NHEJ1: variants seen among roughly 807,000 people sequenced by gnomAD.
NHEJ1 encodes non-homologous end-joining factor 1.
A neutral mutation model predicts 39.4 loss-of-function variants in NHEJ1; 22 were observed. The observed-to-expected ratio is 0.56, with a 90% CI of 0.40 to 0.80. The LOEUF is 0.80. NHEJ1 is among the 30% of genes least tolerant of loss of function. The probability of loss-of-function intolerance (pLI) is 0.00; values close to 1 mark genes in which losing one functional copy is unlikely to be tolerated. For synonymous variants in NHEJ1, 154 were observed against 135.6 expected, an observed-to-expected ratio of 1.14 and a Z score of -0.94; for missense variants, 329 against 357.1, an observed-to-expected ratio of 0.92 and a Z score of 0.63.
At chr2:219,096,560 G>A (rs1416524200) in intron 5 of NHEJ1, among the ~76,000 whole-genome samples, 3 of 152,198 alleles carry the variant, frequency 2.0e-5, no homozygotes, top group Non-Finnish European at 2.9e-5. Context: ...GGGAAAAAAA[G>A]AGTAGGGTGA....
chr2:219,102,110 C>T (rs1223236471), intron 5 of NHEJ1, among the ~76,000 whole-genome samples: 2 of 152,086 alleles, frequency 1.3e-5, no homozygotes, highest in Non-Finnish European at 2.9e-5. Flanking sequence ...ACTTTTAAAC[C>T]GTTTCCAATT....
At chr2:219,157,419 CT>C (rs1661483492) in intron 3 of NHEJ1, 52 bp downstream of exon 3, 1 of 1,502,884 alleles carries the variant, frequency 6.7e-7, no homozygotes, top group African/African-American at 1.4e-5. Flanking sequence ...CTAAAGCTTC[CT>C]CTCAAAGCAA....
chr2:219,117,075 T>C (rs1949422989), intron 5 of NHEJ1, among the ~76,000 whole-genome samples: 1 of 152,002 alleles, frequency 6.6e-6, no homozygotes, highest in Non-Finnish European at 1.5e-5. Context: ...AACCTCGGCT[T>C]CACCACCCTG....
chr2:219,133,761 C>T (rs1045673187), intron 5 of NHEJ1, among the ~76,000 whole-genome samples: 4 of 152,218 alleles, frequency 2.6e-5, no homozygotes, highest in Non-Finnish European at 5.9e-5. Context: ...AAGGCTGCAT[C>T]TCCTGGGGGA....
rs1948982077 is a variant in NHEJ1, at chr2:219,073,390, C to A, written c.*2991G>T. Among the ~76,000 whole-genome samples the A allele has an allele frequency of 6.6e-6, 1 of 152,194 alleles. No individual in the cohort carries two copies. The highest frequency in any genetic ancestry group is 6.5e-5 in the Admixed American group (1 of 15,288). The stretch of plus-strand genomic sequence containing the variant: ...GAGAAGAGAATGACCCTAGTGATAT[C>A]TTTTAGGACCCAGCCTGAGCTCTGC... On this transcript the variant is annotated 3_prime_UTR_variant, in exon 8 of 8. Transcript: ENST00000356853.
rs1347296024 is a variant in NHEJ1 at position 219,074,040 on chromosome 2, C to T, written c.*2341G>A. Among the ~76,000 whole-genome samples the T allele has an allele frequency of 2.0e-5, 3 of 152,166 alleles. No homozygotes were observed. The highest frequency in any genetic ancestry group is 2.4e-5 in the African/African-American group (1 of 41,432). On this transcript the variant is annotated 3_prime_UTR_variant, in exon 8 of 8. Transcript: ENST00000356853. ...TTCTCAACCACTACCCCTAGCTTTG[C>T]GGGGTAAGGGCTTCGGGGCAAGAAT...
rs948278034 is a variant in NHEJ1 at position 219,075,314 on chromosome 2, CTATT to C, written c.*1063_*1066del. ...ACATTAACTGCTCAATAAATGTTAG[CTATT>C]TATTATTGTTGTTCTTATTATAATT... is the stretch of plus-strand genomic sequence containing the variant. On this transcript the variant is annotated 3_prime_UTR_variant, in exon 8 of 8. Transcript: ENST00000356853. 1.3e-5 allele frequency: 2 copies of C among 152,016 alleles called. No individual in the cohort carries two copies. The highest frequency in any genetic ancestry group is 4.8e-5 in the African/African-American group (2 of 41,384). The allele number at this position is 152,016 out of a possible 1,614,324, so 9.4% of individuals were successfully genotyped here.
At chr2:219,137,681 T>C (rs1949648798) in intron 5 of NHEJ1, among the ~76,000 whole-genome samples, 1 of 151,188 alleles carries the variant, frequency 6.6e-6, no homozygotes, top group Non-Finnish European at 1.5e-5. Context: ...CAAGTTATTA[T>C]CTTGCTAACT....
At chr2:219,091,832 T>C (rs1490922096) in intron 5 of NHEJ1, among the ~76,000 whole-genome samples, 1 of 151,806 alleles carries the variant, frequency 6.6e-6, no homozygotes, top group East Asian at 1.9e-4. Flanking sequence ...TGTGTGTATA[T>C]ATGAAGTATG....
At position 219,073,101 on chromosome 2, in the gene NHEJ1, T is replaced by C. The variant is rs1348874428; in HGVS notation, c.*3280A>G. Among the ~76,000 whole-genome samples, 1 of 152,166 alleles carries C rather than the reference T, an allele frequency of 6.6e-6. No individual in the cohort carries two copies. The highest frequency in any genetic ancestry group is 1.5e-5 in the Non-Finnish European group (1 of 68,018). Reference sequence around the variant, plus strand: ...AGCAGTAGGGCTGAGTATCAAGAGATGTGAGCATCTCTCCTTCCCCCAGTG... The same window carrying C: ...AGCAGTAGGGCTGAGTATCAAGAGACGTGAGCATCTCTCCTTCCCCCAGTG... On this transcript the variant is annotated 3_prime_UTR_variant, in exon 8 of 8. Transcript: ENST00000356853.
rs1948983022 is a variant in NHEJ1 at position 219,073,497 on chromosome 2, T to C, written c.*2884A>G. Among the ~76,000 whole-genome samples, 1 of 152,144 alleles carries C rather than the reference T, an allele frequency of 6.6e-6. No homozygotes were observed. The highest frequency in any genetic ancestry group is 2.4e-5 in the African/African-American group (1 of 41,424). On this transcript the variant is annotated 3_prime_UTR_variant, in exon 8 of 8. Coordinates refer to ENST00000356853, the MANE Select transcript of NHEJ1 (RefSeq NM_024782.3). ...AGCTAGAGTGGAAAGGGATGAGGCT[T>C]TCTCTCCAAGCAGGGAGCATGCCTG... is the stretch of plus-strand genomic sequence containing the variant.
rs1485967440 is a variant in NHEJ1 at position 219,122,708 on chromosome 2, C to CT, written c.588+23971dup. Among the ~76,000 whole-genome samples, 7 of 152,258 alleles carry CT rather than the reference C, an allele frequency of 4.6e-5. No homozygotes were observed. In the East Asian group the frequency reaches 1.3e-3, roughly 29 times the overall value. On this transcript the variant is annotated intron_variant, in intron 5 of 7. Coordinates refer to ENST00000356853, the MANE Select transcript of NHEJ1 (RefSeq NM_024782.3). ...GGGTTAGTTTTAAGTTCTAGAAACT[C>CT]TAATCATTCCTGTTTTCTCCAAACT...
intron 5 of NHEJ1, among the ~76,000 whole-genome samples, chr2:219,144,936 T>TC (rs1375126500): frequency 6.6e-6 from 1 of 152,156 alleles, no homozygotes; most frequent in African/African-American, 2.4e-5. Flanking sequence ...TTTTCTAGGC[T>TC]AGGCATGGTG....
At position 219,090,985 on chromosome 2, in the gene NHEJ1, C is replaced by T. The variant is rs559105380; in HGVS notation, c.589-12779G>A. ...ATTCATTTACTCATTTCCTGTCTTC[C>T]CCATTAGGCTGTGAGCCCCTAGAGT... On this transcript the variant is annotated intron_variant, in intron 5 of 7. Coordinates refer to ENST00000356853, the MANE Select transcript of NHEJ1 (RefSeq NM_024782.3). Among the ~76,000 whole-genome samples, 7 of 152,248 alleles carry T rather than the reference C, an allele frequency of 4.6e-5. No individual in the cohort carries two copies. The East Asian group carries it at 1.4e-3, about 29-fold the overall frequency.
At position 219,141,865 on chromosome 2, in the gene NHEJ1, G is replaced by C. The variant is rs112992251; in HGVS notation, c.588+4815C>G. ...CTTTAAGAGGCAGGCAGAAGACGGA[G>C]AGCCAGCCAAAGAAACCAATTAGAA... On this transcript the variant is annotated intron_variant, in intron 5 of 7. Transcript: ENST00000356853. Among the ~76,000 whole-genome samples, 363 of 152,164 alleles carry C rather than the reference G, an allele frequency of 2.4e-3. 3 individuals carry two copies. The highest frequency in any genetic ancestry group is 7.6e-3 in the African/African-American group (317 of 41,530).
rs1251285162 is a variant in NHEJ1, at chr2:219,157,573, A to T, written c.289T>A (p.Cys97Ser). The T allele has an allele frequency of 1.2e-6, 2 of 1,614,218 alleles. No homozygotes were observed. Among genetic ancestry groups the T allele is most frequent in the Non-Finnish European group, 1.7e-6 (2 of 1,180,040 alleles). Residue 97 changes from cysteine (C) to serine (S), a missense_variant, in exon 3 of 8, where the codon TGT (cysteine) becomes AGT (serine). Transcript: ENST00000356853. Reference protein sequence around the residue: ...AAHPSEATFSCDCVADALILR... With the variant: ...AAHPSEATFSSDCVADALILR... ...ATCAGTGCATCTGCCACACAATCAC[A>T]GGAGAAGGTAGCTTCGCTAGGGTGA... is the stretch of plus-strand genomic sequence containing the variant.
chr2:219,150,066 C>G (rs1313922957), intron 3 of NHEJ1, among the ~76,000 whole-genome samples: 1 of 152,262 alleles, frequency 6.6e-6, no homozygotes, highest in Admixed American at 6.5e-5. Flanking sequence ...CCAGACTCAT[C>G]TGGATCCAGA....
At chr2:219,091,476 G>A (rs570015791) in intron 5 of NHEJ1, among the ~76,000 whole-genome samples, 11 of 152,212 alleles carry the variant, frequency 7.2e-5, no homozygotes, top group Admixed American at 3.3e-4. Context: ...GGAGGCAAGA[G>A]TCTCCCTAAG....
chr2:219,118,212 A>C (rs955876233), intron 5 of NHEJ1, among the ~76,000 whole-genome samples: 24 of 152,152 alleles, frequency 1.6e-4, no homozygotes, highest in African/African-American at 5.8e-4. Flanking sequence ...CTTCAGCCTC[A>C]GTTTATAAAG....
Sources: gnomAD v4.1 joint callset for allele counts (sites outside exome capture counted in the v4.1 genomes callset) on GRCh38, gnomAD v4.1.1 for gene constraint, MANE v1.5 for transcripts, NCBI Gene and HGNC (gene_info 2026-07-23, HGNC 2026-07-21) for gene names.